Variants in PLEKHA1 observed in about 807,000 individuals in gnomAD.
PLEKHA1 encodes pleckstrin homology domain-containing family A member 1.
A neutral mutation model predicts 52.0 loss-of-function variants in PLEKHA1; 34 were observed. The observed-to-expected ratio is 0.65, with a 90% CI of 0.50 to 0.87. The LOEUF is 0.87. PLEKHA1 is among the 40% of genes least tolerant of loss of function. PLEKHA1 has a pLI of 0.00. For synonymous variants in PLEKHA1, 163 were observed against 170.7 expected (o/e 0.95, Z 0.35); for missense variants, 497 against 504.2 (o/e 0.99, Z 0.14).
At chr10:122,401,080 A>T (rs2134258719) in intron 4 of PLEKHA1, among the ~76,000 whole-genome samples, 1 of 152,282 alleles carries the variant, frequency 6.6e-6, no homozygotes, top group Admixed American at 6.5e-5. Context: ...CCTCCTGCTT[A>T]TATCCTTTAC....
chr10:122,398,761 A>G (rs1208660478), intron 3 of PLEKHA1, among the ~76,000 whole-genome samples: 3 of 152,162 alleles, frequency 2.0e-5, no homozygotes, highest in African/African-American at 7.2e-5. Flanking sequence ...TCACTTCAAC[A>G]GAAGACCAAT....
intron 4 of PLEKHA1, among the ~76,000 whole-genome samples, chr10:122,403,523 C>T (rs935851991): frequency 6.6e-6 from 1 of 151,826 alleles, no homozygotes; most frequent in Admixed American, 6.5e-5. Flanking sequence ...AGGAAGGATA[C>T]AAGCTTCTAG....
At chr10:122,407,504 C>T (rs2097036812) in intron 5 of PLEKHA1, among the ~76,000 whole-genome samples, 1 of 152,158 alleles carries the variant, frequency 6.6e-6, no homozygotes, top group Non-Finnish European at 1.5e-5. Flanking sequence ...GGAGCCCGAA[C>T]TCTGAAGTGC....
At chr10:122,376,516 AT>A (rs1232461563) in intron 1 of PLEKHA1, among the ~76,000 whole-genome samples, 2 of 26,376 alleles carry the variant, frequency 7.6e-5, no homozygotes, top group Non-Finnish European at 1.0e-4. Context: ...ATATATATAT[AT>A]ATATATATAT....
rs140909909 is a variant in PLEKHA1 at position 122,392,462 on chromosome 10, G to A, written c.-20-719G>A. ...TAGGTGATGTTTGTGTCTTCCATCA[G>A]GAGGCACATCATACCTGCTTATCTC... On this transcript the variant is annotated intron_variant, in intron 1 of 11. Transcript: ENST00000368990. The A allele has an allele frequency of 3.3e-5, 5 of 152,184 alleles. No individual in the cohort carries two copies. The East Asian group carries it at 9.7e-4, about 29-fold the overall frequency. The allele number at this position is 152,184 out of a possible 1,614,324, so 9.4% of individuals were successfully genotyped here.
intron 1 of PLEKHA1, among the ~76,000 whole-genome samples, chr10:122,384,138 A>G (rs1777937889): frequency 6.6e-6 from 1 of 152,110 alleles, no homozygotes; most frequent in South Asian, 2.1e-4. Context: ...CTCTCTTGGT[A>G]CAATGTTCAT....
In PLEKHA1 at chr10:122,425,860, A is replaced by G. The variant is rs536182102; in HGVS notation, c.810+901A>G. On this transcript the variant is annotated intron_variant, in intron 10 of 11. Transcript: ENST00000368990. ...AAACATTCAGTCCCACATTGAGGCA[A>G]CCATTCTTATGATTTTGCTCCCTTT... The G allele has an allele frequency of 3.9e-5, 6 of 152,304 alleles. No individual in the cohort carries two copies. In the Middle Eastern group the frequency reaches 0.017, roughly 432 times the overall value. 9.4% of individuals were successfully genotyped at this position (152,304 alleles called of 1,614,324 possible).
intron 5 of PLEKHA1, chr10:122,412,626 C>T: frequency 3.3e-6 from 1 of 303,870 alleles, no homozygotes; most frequent in Non-Finnish European, 6.2e-6. Flanking sequence ...ATTTCCTTAC[C>T]TCTTAGGTGG....
chr10:122,437,479 T>C, the PLEKHA1 span: 4 of 152,170 alleles, frequency 2.6e-5, no homozygotes, highest in South Asian at 4.1e-4. Flanking sequence ...GAAATCATTA[T>C]TGGAAATAAA....
chr10:122,395,049 T>G (rs1288945714), intron 2 of PLEKHA1, among the ~76,000 whole-genome samples: 1 of 152,190 alleles, frequency 6.6e-6, no homozygotes, highest in African/African-American at 2.4e-5. Context: ...CATTTGAAAT[T>G]GACTTAGAAG....
At chr10:122,397,689 T>C (rs1217259312) in intron 2 of PLEKHA1, among the ~76,000 whole-genome samples, 1 of 152,090 alleles carries the variant, frequency 6.6e-6, no homozygotes, top group Non-Finnish European at 1.5e-5. Flanking sequence ...AAATAGCCTT[T>C]TAGTCATAGA....
At chr10:122,423,769 T>C (rs1216560303) in intron 8 of PLEKHA1, 1 of 158,338 alleles carries the variant, frequency 6.3e-6, no homozygotes, top group East Asian at 1.9e-4. Flanking sequence ...AATTTTGTAT[T>C]TATATAAAAG....
At chr10:122,392,286 T>C (rs892470508) in intron 1 of PLEKHA1, 3 of 152,138 alleles carry the variant, frequency 2.0e-5, no homozygotes, top group Non-Finnish European at 4.4e-5. Context: ...CTTTTTTTTT[T>C]CCTTTGTTTC....
chr10:122,394,558 CA>C (rs2096824804), intron 2 of PLEKHA1, among the ~76,000 whole-genome samples: 1 of 152,094 alleles, frequency 6.6e-6, no homozygotes, highest in African/African-American at 2.4e-5. Context: ...GAGACTTATA[CA>C]AGGTTCTGTT....
At chr10:122,426,371 C>T (rs190934698) in intron 10 of PLEKHA1, among the ~76,000 whole-genome samples, 182 of 149,096 alleles carry the variant, frequency 1.2e-3, no homozygotes, top group African/African-American at 3.3e-3. Context: ...TTTCTAGATT[C>T]TAGAAGTGTA....
intron 5 of PLEKHA1, 97 bp from the exon 6 acceptor site, chr10:122,412,823 C>T (rs374652270): frequency 1.7e-5 from 23 of 1,331,772 alleles, no homozygotes; most frequent in Middle Eastern, 1.9e-4. Context: ...ATCTGTCAAC[C>T]GTATGCAAAC....
intron 8 of PLEKHA1, 35 bp from the exon 9 acceptor site, chr10:122,424,164 T>C: frequency 6.7e-7 from 1 of 1,487,638 alleles, no homozygotes. Flanking sequence ...ATAAACATCA[T>C]GTAACTGTTT....
At chr10:122,435,918 G>A (rs192566912), downstream of PLEKHA1, 38 of 151,676 alleles carry the variant, frequency 2.5e-4, no homozygotes, top group Admixed American at 3.9e-4. Flanking sequence ...AAAAGATATT[G>A]TGTACCCTTT....
At chr10:122,426,290 ATTT>A (rs201108557) in intron 10 of PLEKHA1, among the ~76,000 whole-genome samples, 3 of 139,268 alleles carry the variant, frequency 2.2e-5, no homozygotes, top group Non-Finnish European at 1.6e-5. Context: ...GGCTACTTGT[ATTT>A]TTTTTTTTTT....
Sources: allele counts gnomAD v4.1 joint callset (sites outside exome capture counted in the v4.1 genomes callset), GRCh38; gene constraint gnomAD v4.1.1; transcripts MANE v1.5; gene names NCBI Gene and HGNC (gene_info 2026-07-23, HGNC 2026-07-21).